The following POFUT3 variants were observed in gnomAD, a reference collection of about 807,000 sequenced individuals.
The protein encoded by POFUT3 is protein O-fucosyltransferase 3, also known as GDP-fucose protein O-fucosyltransferase 3.
the POFUT3 span, among the ~76,000 whole-genome samples, chr8:33,345,251 T>C: frequency 2.6e-5 from 4 of 152,154 alleles, no homozygotes; most frequent in Admixed American, 2.0e-4. Context: ...AAAAGAGCAA[T>C]GCTACTATAG....
chr8:33,308,587 CACAA>C, the POFUT3 span, among the ~76,000 whole-genome samples: 2 of 152,268 alleles, frequency 1.3e-5, no homozygotes, highest in East Asian at 3.9e-4. Context: ...TGAACATGGA[CACAA>C]ACAATGGTCA....
the POFUT3 span, chr8:33,372,234 C>T: frequency 9.7e-7 from 1 of 1,027,664 alleles, no homozygotes; most frequent in South Asian, 4.1e-5. Flanking sequence ...AGGTGAGTAT[C>T]AAGAATCTAT....
chr8:33,356,021 A>G, the POFUT3 span, among the ~76,000 whole-genome samples: 11 of 152,054 alleles, frequency 7.2e-5, no homozygotes, highest in Non-Finnish European at 2.9e-5. Context: ...TTATGGCTGC[A>G]TAGTATTCCA....
chr8:33,352,802 A>G, the POFUT3 span, among the ~76,000 whole-genome samples: 1 of 152,238 alleles, frequency 6.6e-6, no homozygotes, highest in African/African-American at 2.4e-5. Flanking sequence ...ACATGAGAGA[A>G]TAGAGATACT....
the POFUT3 span, among the ~76,000 whole-genome samples, chr8:33,314,904 T>C: frequency 4.6e-5 from 7 of 152,194 alleles, no homozygotes; most frequent in Non-Finnish European, 8.8e-5. Flanking sequence ...ATAGGGCTCC[T>C]ATTGAAAATG....
chr8:33,360,526 A>G, the POFUT3 span, among the ~76,000 whole-genome samples: 1 of 152,176 alleles, frequency 6.6e-6, no homozygotes, highest in Non-Finnish European at 1.5e-5. Flanking sequence ...TCCCATCACC[A>G]GAGAATGTTT....
At chr8:33,390,851 T>G in the POFUT3 span, among the ~76,000 whole-genome samples, 1 of 152,178 alleles carries the variant, frequency 6.6e-6, no homozygotes, top group African/African-American at 2.4e-5. Flanking sequence ...CATGATGATG[T>G]GCAGACAGAA....
At chr8:33,407,966 C>G in the POFUT3 span, among the ~76,000 whole-genome samples, 1 of 117,834 alleles carries the variant, frequency 8.5e-6, no homozygotes, top group Non-Finnish European at 1.7e-5. Context: ...CCATCCTGGG[C>G]AACAGAGCGA....
chr8:33,462,747 T>C, the POFUT3 span, among the ~76,000 whole-genome samples: 1 of 151,894 alleles, frequency 6.6e-6, no homozygotes, highest in African/African-American at 2.4e-5. Flanking sequence ...CTGGGCAACA[T>C]AGTGAAACCC....
At chr8:33,324,237 A>C in the POFUT3 span, among the ~76,000 whole-genome samples, 1 of 152,286 alleles carries the variant, frequency 6.6e-6, no homozygotes, top group Non-Finnish European at 1.5e-5. Flanking sequence ...ACCTCACAGC[A>C]AGGGAGGCTG....
At chr8:33,404,710 TA>T in the POFUT3 span, among the ~76,000 whole-genome samples, 143 of 145,052 alleles carry the variant, frequency 9.9e-4, no homozygotes, top group East Asian at 1.6e-3. Flanking sequence ...ATACTGGTGT[TA>T]AAAAAAAAAA....
At chr8:33,338,584 G>A in the POFUT3 span, among the ~76,000 whole-genome samples, 2 of 152,136 alleles carry the variant, frequency 1.3e-5, no homozygotes. Flanking sequence ...AGAGGTTTTA[G>A]AAGAGGTCTA....
the POFUT3 span, among the ~76,000 whole-genome samples, chr8:33,309,964 G>C: frequency 6.6e-6 from 1 of 152,068 alleles, no homozygotes; most frequent in Non-Finnish European, 1.5e-5. Context: ...TCCAACCCCC[G>C]TGCTGCATAT....
the POFUT3 span, among the ~76,000 whole-genome samples, chr8:33,464,887 T>C: frequency 6.6e-6 from 1 of 152,262 alleles, no homozygotes; most frequent in Admixed American, 6.5e-5. Flanking sequence ...TGTAGTACAG[T>C]TGTCAGCTAG....
chr8:33,352,342 C>T, the POFUT3 span, among the ~76,000 whole-genome samples: 1 of 152,176 alleles, frequency 6.6e-6, no homozygotes, highest in Non-Finnish European at 1.5e-5. Context: ...TTTTCTGTTA[C>T]ACAAATACCT....
At chr8:33,359,625 T>C in the POFUT3 span, among the ~76,000 whole-genome samples, 3 of 152,158 alleles carry the variant, frequency 2.0e-5, no homozygotes, top group African/African-American at 7.2e-5. Flanking sequence ...CTTCTCACAA[T>C]GAAAAGAAGT....
chr8:33,442,350 C>T, the POFUT3 span, among the ~76,000 whole-genome samples: 7 of 150,630 alleles, frequency 4.6e-5, no homozygotes, highest in Non-Finnish European at 1.0e-4. Context: ...TGCAGTGGTG[C>T]GATCTTAGCT....
At chr8:33,349,275 C>A in the POFUT3 span, among the ~76,000 whole-genome samples, 1 of 152,134 alleles carries the variant, frequency 6.6e-6, no homozygotes, top group Non-Finnish European at 1.5e-5. Context: ...GCTTTTTTCA[C>A]AAGTGCCTTA....
the POFUT3 span, among the ~76,000 whole-genome samples, chr8:33,431,196 T>C: frequency 6.6e-6 from 1 of 152,058 alleles, no homozygotes; most frequent in South Asian, 2.1e-4. Context: ...TCAGATGCCA[T>C]ATTAGTCAAA....
Sources: gnomAD v4.1 joint callset for allele counts (sites outside exome capture counted in the v4.1 genomes callset) on GRCh38, gnomAD v4.1.1 for gene constraint, MANE v1.5 for transcripts, NCBI Gene and HGNC (gene_info 2026-07-23, HGNC 2026-07-21) for gene names.